Variants in VWA5A observed in about 807,000 individuals in gnomAD.
The protein encoded by VWA5A is von Willebrand factor A domain containing 5A.
In VWA5A, 77 loss-of-function variants were observed where a neutral mutation model predicts 84.6. The ratio of observed to expected loss-of-function variants is 0.91; its 90% CI spans 0.76 to 1.10. The LOEUF (loss-of-function observed/expected upper bound fraction) is 1.10, where lower values mean the gene tolerates loss of function less well. Ranked by LOEUF, VWA5A falls within the 50% of genes least tolerant of loss-of-function variation. The pLI is 0.00. For synonymous variants in VWA5A, 334 were observed against 350.1 expected (o/e 0.95, Z 0.51); for missense variants, 973 against 963.0 (o/e 1.01, Z -0.14).
intron 15 of VWA5A, among the ~76,000 whole-genome samples, chr11:124,139,749 T>G (rs6590040): frequency 0.16 from 24,435 of 151,692 alleles, 2,245 homozygotes; most frequent in African/African-American, 0.27. Context: ...TGCAAACAGG[T>G]GTAGTTTAAC....
In VWA5A at chr11:124,141,626, T is replaced by C. The variant is rs370240485; in HGVS notation, c.1908T>C (p.Arg636=). 47 of 1,613,996 alleles carry C rather than the reference T, an allele frequency of 2.9e-5. No homozygotes were observed. Among genetic ancestry groups the C allele is most frequent in the Non-Finnish European group, 3.4e-5 (40 of 1,180,024 alleles). The part of the protein sequence containing the change: ...SGFRKALHSD[R]PPSASQPRGE... ...TTCGAAAGGCCTTACACTCTGACCG[T>C]CCTCCTTCTGCATCTCAGCCCAGAG... is the stretch of plus-strand genomic sequence containing the variant. Residue 636 remains arginine (R), a synonymous_variant, in exon 16 of 19, where the codon CGT becomes CGC. Coordinates refer to ENST00000456829, the MANE Select transcript of VWA5A (RefSeq NM_001130142.2).
chr11:124,134,683 T>C (rs910580495), intron 11 of VWA5A, among the ~76,000 whole-genome samples: 1 of 152,188 alleles, frequency 6.6e-6, no homozygotes, highest in Non-Finnish European at 1.5e-5. Flanking sequence ...CCATTTCTTA[T>C]CTGCAAAGTG....
rs2276052 is a variant in VWA5A, at chr11:124,141,784, G to C, written c.2023+43G>C. 9.6e-3 allele frequency: 15,477 copies of C among 1,606,022 alleles called. 476 individuals carry two copies. The highest frequency in any genetic ancestry group is 0.086 in the African/African-American group (6,422 of 74,756). On this transcript the variant is annotated intron_variant, in intron 16 of 18. Coordinates refer to ENST00000456829, the MANE Select transcript of VWA5A (RefSeq NM_001130142.2). Reference sequence around the variant, plus strand: ...AACATTTTCTCAACAATGTTTTTCTGTCACATATACAGGACTAGGCAAGCT... The same window carrying C: ...AACATTTTCTCAACAATGTTTTTCTCTCACATATACAGGACTAGGCAAGCT...
At chr11:124,125,351 C>G (rs974221436) in intron 11 of VWA5A, among the ~76,000 whole-genome samples, 5 of 151,480 alleles carry the variant, frequency 3.3e-5, no homozygotes, top group Non-Finnish European at 7.4e-5. Flanking sequence ...GGCGCTATCT[C>G]GGCTCCCTGC....
intron 15 of VWA5A, among the ~76,000 whole-genome samples, chr11:124,139,360 G>A (rs1018007303): frequency 6.6e-6 from 1 of 151,910 alleles, no homozygotes; most frequent in African/African-American, 2.4e-5. Flanking sequence ...GTATTGCATT[G>A]AATCTGTAAA....
In VWA5A at chr11:124,146,077, T is replaced by C. The variant is rs1305931446; in HGVS notation, c.*132T>C. On this transcript the variant is annotated 3_prime_UTR_variant, in exon 19 of 19. Coordinates refer to ENST00000456829, the MANE Select transcript of VWA5A (RefSeq NM_001130142.2). ...TGCCATAAAAGTAAAGGATGCTTAC[T>C]CCACTTCGCTTCTCTGCTCCAGGTT... 1.1e-6 allele frequency: 1 copy of C among 870,722 alleles called. No homozygotes were observed. Among genetic ancestry groups the C allele is most frequent in the East Asian group, 2.9e-5 (1 of 34,644 alleles). The allele number at this position is 870,722 out of a possible 1,614,324, so 53.9% of individuals were successfully genotyped here. A position where few individuals can be genotyped will look rare whatever the true frequency, so the allele number is the denominator to read the frequency against.
At position 124,146,673 on chromosome 11, in the gene VWA5A, C is replaced by G. The variant is rs751398571; in HGVS notation, c.*728C>G. 1.3e-5 allele frequency: 2 copies of G among 152,140 alleles called. No individual in the cohort carries two copies. Among genetic ancestry groups the G allele is most frequent in the African/African-American group, 4.8e-5 (2 of 41,380 alleles). 9.4% of individuals were successfully genotyped at this position (152,140 alleles called of 1,614,324 possible). A position where few individuals can be genotyped will look rare whatever the true frequency, so the allele number is the denominator to read the frequency against. On this transcript the variant is annotated 3_prime_UTR_variant, in exon 19 of 19. Coordinates refer to ENST00000456829, the MANE Select transcript of VWA5A (RefSeq NM_001130142.2). The stretch of plus-strand genomic sequence containing the variant: ...TTAGTCCTACCCTGAACCTATGTGT[C>G]CTCTAAGTCAGGCCCTGATCTAGTG...
At chr11:124,120,762 A>C (rs945996415) in intron 7 of VWA5A, among the ~76,000 whole-genome samples, 1 of 152,190 alleles carries the variant, frequency 6.6e-6, no homozygotes, top group Non-Finnish European at 1.5e-5. Context: ...TTGGGTGTCC[A>C]TGAAATATTC....
chr11:124,118,521 C>T lies in VWA5A; in HGVS notation c.470-12C>T, dbSNP rs1221745453. On this transcript the variant is annotated splice_polypyrimidine_tract_variant and intron_variant, in intron 5 of 18. Coordinates refer to ENST00000456829, the MANE Select transcript of VWA5A (RefSeq NM_001130142.2). ...TTGGCAAGGAAAACAGAACTAAGGT[C>T]ATCTTTTATAGGGTCGTCTAAGGAC... 6.2e-7 allele frequency: 1 copy of T among 1,613,438 alleles called. No individual in the cohort carries two copies. The highest frequency in any genetic ancestry group is 1.3e-5 in the African/African-American group (1 of 75,016).
intron 11 of VWA5A, among the ~76,000 whole-genome samples, chr11:124,127,641 A>G (rs185551793): frequency 6.6e-6 from 1 of 152,288 alleles, no homozygotes; most frequent in Non-Finnish European, 1.5e-5. Context: ...AACAGTGTAA[A>G]AGGTTTCCTA....
chr11:124,134,923 T>A lies in VWA5A; in HGVS notation c.1248T>A (p.Cys416Ter), dbSNP rs561966582. ...CTCTGTCCTGTTACAATTGCAGGTG[T>A]TTCTCATTTGGTATTGGAGAAGGCA... ...EVRINRQKHR[C>*]FSFGIGEGTS... Residue 416 changes from cysteine (C) to a stop codon, truncating the protein, a stop_gained, in exon 12 of 19, where the codon TGT becomes TGA. Transcript: ENST00000456829. LOFTEE classifies it high-confidence loss of function. The A allele has an allele frequency of 6.2e-7, 1 of 1,612,392 alleles. No individual in the cohort carries two copies. Among genetic ancestry groups the A allele is most frequent in the Admixed American group, 1.7e-5 (1 of 59,880 alleles).
chr11:124,123,655 C>T lies in VWA5A; in HGVS notation c.1020-5C>T. 1 of 1,614,044 alleles carries T rather than the reference C, an allele frequency of 6.2e-7. No homozygotes were observed. Among genetic ancestry groups the T allele is most frequent in the Non-Finnish European group, 8.5e-7 (1 of 1,180,012 alleles). On this transcript the variant is annotated splice_region_variant and splice_polypyrimidine_tract_variant and intron_variant, in intron 9 of 18. Transcript: ENST00000456829. ...CATGTAACTGGGTGTGTTTGTTTTT[C>T]TCAGGGAGAGTGTGAAGTACACTCA... is the stretch of plus-strand genomic sequence containing the variant.
In VWA5A at chr11:124,142,553, T is replaced by C. The variant is rs1251032885; in HGVS notation, c.2135T>C (p.Met712Thr). 1.9e-6 allele frequency: 3 copies of C among 1,614,190 alleles called. No homozygotes were observed. The East Asian group carries it at 6.7e-5, about 36-fold the overall frequency. Residue 712 changes from methionine to threonine, a missense_variant, in exon 17 of 19, where the codon ATG becomes ACG. Coordinates refer to ENST00000456829, the MANE Select transcript of VWA5A (RefSeq NM_001130142.2). ...KILGMSLEEI[M>T]AAQPAELVDS... ...CTAGGTATGAGTTTGGAAGAAATAA[T>C]GGCTGCACAGCCTGCCGAGGTAAGA...
chr11:124,141,216 A>G (rs1393193735), intron 15 of VWA5A, among the ~76,000 whole-genome samples: 1 of 152,212 alleles, frequency 6.6e-6, no homozygotes, highest in African/African-American at 2.4e-5. Flanking sequence ...CAGGGACTGA[A>G]GAGGTTGCCA....
intron 7 of VWA5A, among the ~76,000 whole-genome samples, chr11:124,121,399 T>C (rs1009551612): frequency 3.3e-5 from 5 of 152,208 alleles, no homozygotes; most frequent in Admixed American, 2.6e-4. Context: ...TCATGGTCTG[T>C]GGGCTGCATG....
intron 16 of VWA5A, among the ~76,000 whole-genome samples, 156 bp from the exon 17 acceptor site, chr11:124,142,286 G>A (rs1860744214): frequency 6.6e-6 from 1 of 152,206 alleles, no homozygotes. Context: ...CACAAGTAGG[G>A]TTTGAAGACC....
rs1206465370 is a variant in VWA5A, at chr11:124,117,482, AT to A, written c.-15-14del. ...TTCCAACATGTCCTCTGTTTGTGAT[AT>A]GTCTTTTCTGCAGAAATCTTGCATC... On this transcript the variant is annotated splice_polypyrimidine_tract_variant and intron_variant, in intron 2 of 18. Coordinates refer to ENST00000456829, the MANE Select transcript of VWA5A (RefSeq NM_001130142.2). 1 of 1,613,476 alleles carries A rather than the reference AT, an allele frequency of 6.2e-7. No homozygotes were observed. The highest frequency in any genetic ancestry group is 1.3e-5 in the African/African-American group (1 of 74,902).
At chr11:124,128,400 G>A (rs1168915178) in intron 11 of VWA5A, among the ~76,000 whole-genome samples, 6 of 152,166 alleles carry the variant, frequency 3.9e-5, no homozygotes, top group African/African-American at 9.7e-5. Flanking sequence ...GTACCATGCC[G>A]TTTTGGTTAC....
chr11:124,125,522 A>T (rs1865007237), intron 11 of VWA5A, among the ~76,000 whole-genome samples: 1 of 152,072 alleles, frequency 6.6e-6, no homozygotes, highest in Admixed American at 6.5e-5. Flanking sequence ...TGACCTCTTG[A>T]TCTGCCCGCC....
Sources: gnomAD v4.1 joint callset for allele counts (sites outside exome capture counted in the v4.1 genomes callset) on GRCh38, gnomAD v4.1.1 for gene constraint, MANE v1.5 for transcripts, NCBI Gene and HGNC (gene_info 2026-07-23, HGNC 2026-07-21) for gene names.